Variants in POR observed in about 807,000 individuals in gnomAD.
The protein encoded by POR is cytochrome p450 oxidoreductase.
POR carries 56 observed loss-of-function variants against 84.0 expected under a neutral mutation model. The ratio of observed to expected loss-of-function variants is 0.67; its 90% CI spans 0.54 to 0.83. POR has a LOEUF of 0.83. POR is among the 40% of genes least tolerant of loss of function. The pLI, the probability that POR is intolerant of heterozygous loss-of-function variation, is 0.00. For missense variants in POR, 938 were observed against 944.3 expected, an observed-to-expected ratio of 0.99 and a Z score of 0.09; for synonymous variants, 414 against 400.5, an observed-to-expected ratio of 1.03 and a Z score of -0.40.
intron 2 of POR, among the ~76,000 whole-genome samples, chr7:75,965,113 G>A (rs1788121284): frequency 6.6e-6 from 1 of 152,028 alleles, no homozygotes; most frequent in Non-Finnish European, 1.5e-5. Context: ...TCTGGAGAGC[G>A]GTGGCCCCAT....
chr7:75,982,466 T>A, intron 8 of POR, 144 bp downstream of exon 8: 1 of 690,804 alleles, frequency 1.4e-6, no homozygotes, highest in Non-Finnish European at 2.5e-6. Flanking sequence ...GTCCACGACC[T>A]GTCCACGGCC....
Position 75,985,592 on chromosome 7 carries a change from C to T in POR, c.1412C>T (p.Ser471Phe), listed in dbSNP as rs1789391403. 1.9e-6 allele frequency: 3 copies of T among 1,555,310 alleles called. No homozygotes were observed. In the East Asian group the frequency reaches 6.9e-5, roughly 36 times the overall value. The change falls in exon 13 of 16, where the codon TCT (serine) becomes TTT (phenylalanine). Residue 471 changes from serine to phenylalanine, a missense_variant. Transcript: ENST00000461988. ...CCCTCCCCACAGGTCCACCCCAACT[C>T]TGTGCACATCTGTGCGGTGGTTGTG...
intron 1 of POR, among the ~76,000 whole-genome samples, chr7:75,951,808 G>T (rs1787433630): frequency 6.6e-6 from 1 of 152,260 alleles, no homozygotes; most frequent in African/African-American, 2.4e-5. Flanking sequence ...TGCTGTTTCA[G>T]GGACTCTCAC....
intron 1 of POR, among the ~76,000 whole-genome samples, chr7:75,938,762 A>G (rs1807821725): frequency 6.6e-6 from 1 of 152,168 alleles, no homozygotes; most frequent in African/African-American, 2.4e-5. Context: ...CCGTGAATGA[A>G]TGAATGCTTA....
intron 3 of POR, among the ~76,000 whole-genome samples, chr7:75,978,961 T>A (rs1197624190): frequency 6.6e-6 from 1 of 152,092 alleles, no homozygotes; most frequent in Non-Finnish European, 1.5e-5. Flanking sequence ...CATGCCCGGC[T>A]AATTTTTGTA....
At position 75,986,828 on chromosome 7, in the gene POR, C is replaced by G. The variant is rs541994394; in HGVS notation, c.*347C>G. 2.1e-5 allele frequency: 12 copies of G among 575,266 alleles called. No individual in the cohort carries two copies. The highest frequency in any genetic ancestry group is 4.5e-4 in the Middle Eastern group (1 of 2,206). The allele number at this position is 575,266 out of a possible 1,614,324, so 35.6% of individuals were successfully genotyped here. ...GTAAATAATTTTAAATAACCTCTGG[C>G]CCTTGGAATAAAGTTCTGTTTTCTG... On this transcript the variant is annotated 3_prime_UTR_variant, in exon 16 of 16. Coordinates refer to ENST00000461988, the MANE Select transcript of POR (RefSeq NM_000941.3).
At chr7:75,920,416 G>C (rs1585081339) in intron 1 of POR, among the ~76,000 whole-genome samples, 1 of 152,262 alleles carries the variant, frequency 6.6e-6, no homozygotes, top group East Asian at 1.9e-4. Flanking sequence ...GAGAATAGAA[G>C]GGGGAAAGTT....
chr7:75,959,873 T>C (rs1479736636), intron 2 of POR, among the ~76,000 whole-genome samples: 2 of 152,198 alleles, frequency 1.3e-5, no homozygotes, highest in African/African-American at 4.8e-5. Flanking sequence ...TCCATGAACA[T>C]TGTTTTATCC....
chr7:75,933,206 A>C (rs1483118409), intron 1 of POR, among the ~76,000 whole-genome samples: 21 of 152,026 alleles, frequency 1.4e-4, no homozygotes, highest in Admixed American at 1.4e-3. Flanking sequence ...TTTATAGTGT[A>C]TGGCATATTG....
intron 1 of POR, chr7:75,922,844 C>A: frequency 3.6e-6 from 2 of 553,160 alleles, no homozygotes; most frequent in South Asian, 1.9e-5. Flanking sequence ...GCCACCCAGT[C>A]AAAGTAGGCA....
intron 3 of POR, among the ~76,000 whole-genome samples, chr7:75,979,191 T>G (rs1450561339): frequency 6.6e-6 from 1 of 152,242 alleles, no homozygotes; most frequent in Non-Finnish European, 1.5e-5. Flanking sequence ...CTTTGTTTTT[T>G]CCCCGTGTCA....
chr7:75,977,511 C>T (rs1554557018), intron 3 of POR, among the ~76,000 whole-genome samples: 1 of 152,218 alleles, frequency 6.6e-6, no homozygotes, highest in African/African-American at 2.4e-5. Flanking sequence ...TGCGGTGGCT[C>T]ACGCCCGTAA....
intron 1 of POR, among the ~76,000 whole-genome samples, chr7:75,932,179 A>G (rs1215787668): frequency 6.7e-6 from 1 of 150,324 alleles, no homozygotes; most frequent in Non-Finnish European, 1.5e-5. Context: ...AAATTCAGAA[A>G]TTCTTTTTTT....
In POR at chr7:75,986,635, G is replaced by GC; in HGVS notation, c.*159dup. 1 of 962,970 alleles carries GC rather than the reference G, an allele frequency of 1.0e-6. No homozygotes were observed. Among genetic ancestry groups the GC allele is most frequent in the Admixed American group, 2.6e-5 (1 of 38,564 alleles). The allele number at this position is 962,970 out of a possible 1,614,324, so 59.7% of individuals were successfully genotyped here. A position where few individuals can be genotyped will look rare whatever the true frequency, so the allele number is the denominator to read the frequency against. On this transcript the variant is annotated 3_prime_UTR_variant, in exon 16 of 16. Coordinates refer to ENST00000461988, the MANE Select transcript of POR (RefSeq NM_000941.3). ...CTGGGCCTGGGGTGCATCCTCCTCA[G>GC]CCCCCAGGCCAGGTGAGGTCCACCG... is the stretch of plus-strand genomic sequence containing the variant.
intron 1 of POR, among the ~76,000 whole-genome samples, chr7:75,953,001 C>G (rs1178859140): frequency 6.6e-6 from 1 of 152,164 alleles, no homozygotes; most frequent in Non-Finnish European, 1.5e-5. Context: ...GAGCCGAGAT[C>G]AAGCCACTGC....
intron 1 of POR, among the ~76,000 whole-genome samples, chr7:75,927,287 C>T (rs1807175497): frequency 6.6e-6 from 1 of 152,096 alleles, no homozygotes; most frequent in Admixed American, 6.5e-5. Flanking sequence ...GGGCTAATGG[C>T]TTGAGCCCAG....
chr7:75,941,235 G>A lies in POR; in HGVS notation c.-4-12754G>A, dbSNP rs112479274. Among the ~76,000 whole-genome samples the A allele has an allele frequency of 4.0e-3, 603 of 152,286 alleles. 1 individual carries two copies. Among genetic ancestry groups the A allele is most frequent in the Non-Finnish European group, 6.8e-3 (464 of 68,034 alleles). On this transcript the variant is annotated intron_variant, in intron 1 of 15. Transcript: ENST00000461988. ...CAGCCTGGGTTCCCTCTGTGTGCAA[G>A]CAACCTCTCCTGCCTCTTTAGGCCC...
intron 1 of POR, among the ~76,000 whole-genome samples, chr7:75,932,834 A>G (rs1412932192): frequency 6.6e-6 from 1 of 152,120 alleles, no homozygotes; most frequent in Non-Finnish European, 1.5e-5. Flanking sequence ...CCTGGCCAAC[A>G]TAGTGAAACC....
intron 3 of POR, among the ~76,000 whole-genome samples, chr7:75,978,040 C>A (rs889803583): frequency 6.6e-6 from 1 of 152,160 alleles, no homozygotes; most frequent in African/African-American, 2.4e-5. Flanking sequence ...GTGAGCCAGC[C>A]CCTAGGACCT....
Sources: allele counts gnomAD v4.1 joint callset (sites outside exome capture counted in the v4.1 genomes callset), GRCh38; gene constraint gnomAD v4.1.1; transcripts MANE v1.5; gene names NCBI Gene and HGNC (gene_info 2026-07-23, HGNC 2026-07-21).